TTC9B: variants seen among roughly 807,000 people sequenced by gnomAD.
TTC9B encodes the protein tetratricopeptide repeat domain 9B.
In TTC9B, 12 loss-of-function variants were observed where a neutral mutation model predicts 19.4. That is an observed-to-expected ratio of 0.62 (90% CI 0.40 to 1.00). The LOEUF is 1.00. Among genes scored for constraint, TTC9B ranks in the 50% least tolerant of loss-of-function variants. The pLI is 0.00. For synonymous variants in TTC9B, 156 were observed against 158.6 expected (o/e 0.98, Z 0.12); for missense variants, 316 against 345.2 (o/e 0.92, Z 0.67).
rs1473194386 is a variant in TTC9B at position 40,217,988 on chromosome 19, T to C, written c.394A>G (p.Ser132Gly). 1.4e-6 allele frequency: 2 copies of C among 1,425,546 alleles called. No homozygotes were observed. The highest frequency in any genetic ancestry group is 1.7e-5 in the African/African-American group (1 of 60,522). 88.3% of individuals were successfully genotyped at this position (1,425,546 alleles called of 1,614,324 possible). Reference sequence around the variant, plus strand: ...GAGTCGTAACACTCCACCTCCGTGCTCTCCACCAGGCGCCGCTGCTCCTCG... The same window carrying C: ...GAGTCGTAACACTCCACCTCCGTGCCCTCCACCAGGCGCCGCTGCTCCTCG... ...LSEEQRRLVE[S>G]TEVECYDSLT... The change falls in exon 1 of 3, where the codon AGC (serine) becomes GGC (glycine). Residue 132 changes from serine (S) to glycine (G), a missense_variant. Physicochemically the swap from Ser to Gly is moderately conservative, Grantham distance 56. Transcript: ENST00000311308.
chr19:40,216,684 T>G, intron 2 of TTC9B: 1 of 300,330 alleles, frequency 3.3e-6, no homozygotes, highest in Non-Finnish European at 6.4e-6. Context: ...GTGTCTGCCC[T>G]CCTGCACTCA....
chr19:40,217,620 C>T (rs954136952), intron 1 of TTC9B: 5 of 536,718 alleles, frequency 9.3e-6, no homozygotes, highest in Non-Finnish European at 1.6e-5. Context: ...TAAGGCCCCG[C>T]GCGGGGGCGA....
intron 1 of TTC9B, 36 bp from the exon 2 acceptor site, chr19:40,217,405 G>T (rs1266378048): frequency 2.5e-6 from 4 of 1,599,708 alleles, no homozygotes; most frequent in Non-Finnish European, 3.4e-6. Context: ...CTCAGAGCCT[G>T]CTGGCACCCC....
In TTC9B at chr19:40,218,361, G is replaced by T. The variant is rs987847540; in HGVS notation, c.21C>A (p.Ser7=). 8 of 1,341,532 alleles carry T rather than the reference G, an allele frequency of 6.0e-6. No homozygotes were observed. Among genetic ancestry groups the T allele is most frequent in the Non-Finnish European group, 6.6e-6 (7 of 1,053,406 alleles). 83.1% of individuals were successfully genotyped at this position (1,341,532 alleles called of 1,614,324 possible). The change falls in exon 1 of 3, where the codon TCC becomes TCA. Residue 7 remains serine (S), a synonymous_variant. Coordinates refer to ENST00000311308, the MANE Select transcript of TTC9B (RefSeq NM_152479.6). The surrounding 1 kb of genome is among the most constrained non-coding windows in gnomAD (Gnocchi z 4.2). ...GGGCAGCGCTGAGCATCAGCACCGGGGACAGCGCGCCGCGCTGCATTGTGG... is the reference window on the plus strand; with the variant it reads ...GGGCAGCGCTGAGCATCAGCACCGGTGACAGCGCGCCGCGCTGCATTGTGG... The part of the protein sequence containing the change: MQRGAL[S]PVLMLSAAPE...
intron 2 of TTC9B, 93 bp from the exon 3 acceptor site, chr19:40,216,365 T>G: frequency 1.1e-6 from 1 of 894,600 alleles, no homozygotes. Context: ...CTCCGAAGTA[T>G]CCAGCAGCTC....
Position 40,218,126 on chromosome 19 carries a change from C to T in TTC9B, c.256G>A (p.Gly86Ser). ...TGCAGCAGCGCTCGGTGGTACTTGC[C>T]GATGGCCTCCCGGAACTTCTTCTCT... Reference protein sequence around the residue: ...YREKKFREAIGKYHRALLQLK... With the variant: ...YREKKFREAISKYHRALLQLK... Residue 86 changes from glycine (G) to serine (S), a missense_variant, in exon 1 of 3, where the codon GGC (glycine) becomes AGC (serine). Transcript: ENST00000311308. This position sits in a 1 kb window ranked among gnomAD's most constrained non-coding sequence, Gnocchi z 4.2. 8.9e-6 allele frequency: 14 copies of T among 1,571,624 alleles called. No homozygotes were observed. The highest frequency in any genetic ancestry group is 1.2e-5 in the Non-Finnish European group (14 of 1,163,722).
chr19:40,217,446 C>T, intron 1 of TTC9B, 77 bp from the exon 2 acceptor site: 1 of 1,526,368 alleles, frequency 6.6e-7, no homozygotes, highest in Non-Finnish European at 8.8e-7. Context: ...GGAGCCGAGG[C>T]TCCAGGCGGC....
chr19:40,217,864 T>A, intron 1 of TTC9B, 91 bp downstream of exon 1: 2 of 1,232,044 alleles, frequency 1.6e-6, no homozygotes, highest in Non-Finnish European at 2.1e-6. Context: ...CCTGGACCCT[T>A]CAGCCCCAGG....
At chr19:40,217,762 C>G in intron 1 of TTC9B, 193 bp downstream of exon 1, 3 of 567,986 alleles carry the variant, frequency 5.3e-6, no homozygotes, top group Non-Finnish European at 8.8e-6. Context: ...TTTCCTGCAT[C>G]CCAGCTCCCT....
chr19:40,217,059 A>T, intron 2 of TTC9B, 128 bp downstream of exon 2: 1 of 1,073,034 alleles, frequency 9.3e-7, no homozygotes, highest in Non-Finnish European at 1.3e-6. Context: ...GCGCAGCCCT[A>T]CCTAGAAGCA....
At chr19:40,216,860 T>C (rs1437094997) in intron 2 of TTC9B, 2 of 475,922 alleles carry the variant, frequency 4.2e-6, no homozygotes, top group East Asian at 3.5e-5. Flanking sequence ...GACGGGGTAA[T>C]GGAGATGACA....
At chr19:40,217,675 T>C (rs1973388620) in intron 1 of TTC9B, 2 of 510,492 alleles carry the variant, frequency 3.9e-6, no homozygotes, top group East Asian at 3.3e-5. Context: ...CTTCCTCACC[T>C]TGGGTCCACG....
chr19:40,216,464 C>G (rs981792038), intron 2 of TTC9B, 192 bp from the exon 3 acceptor site: 2 of 572,622 alleles, frequency 3.5e-6, no homozygotes, highest in African/African-American at 3.8e-5. Flanking sequence ...TCGCACACCT[C>G]TGTGCGCCTG....
chr19:40,217,592 G>C, intron 1 of TTC9B: 1 of 605,522 alleles, frequency 1.7e-6, no homozygotes, highest in Non-Finnish European at 2.8e-6. Flanking sequence ...ACCCAGAGCT[G>C]TCGGTGGGCA....
At position 40,217,236 on chromosome 19, in the gene TTC9B, G is replaced by T; in HGVS notation, c.561C>A (p.Tyr187Ter). ...AGIAFYHLGD[Y>*]ARALRYLQEA... ...CCTGCAGGTAGCGCAGCGCGCGTGC[G>T]TAGTCGCCCAGGTGGTAGAAGGCAA... The change falls in exon 2 of 3, where the codon TAC becomes TAA. Residue 187 changes from tyrosine to a stop codon, truncating the protein, a stop_gained. Transcript: ENST00000311308. LOFTEE classifies it high-confidence loss of function. The T allele has an allele frequency of 6.2e-7, 1 of 1,613,914 alleles. No homozygotes were observed. The highest frequency in any genetic ancestry group is 8.5e-7 in the Non-Finnish European group (1 of 1,179,934).
At chr19:40,217,466 G>T in intron 1 of TTC9B, 97 bp from the exon 2 acceptor site, 1 of 1,436,120 alleles carries the variant, frequency 7.0e-7, no homozygotes, top group Non-Finnish European at 9.3e-7. Context: ...CAGGGAACCA[G>T]GCCTAAGGGA....
At position 40,216,069 on chromosome 19, in the gene TTC9B, A is replaced by G; in HGVS notation, c.*94T>C. On this transcript the variant is annotated 3_prime_UTR_variant, in exon 3 of 3. Transcript: ENST00000311308. Reference sequence around the variant, plus strand: ...GAACACCACACAAGTTATGATCACCAGTGACAAGTGTTTTACCAACAAACA... The same window carrying G: ...GAACACCACACAAGTTATGATCACCGGTGACAAGTGTTTTACCAACAAACA... 9.8e-7 allele frequency: 1 copy of G among 1,017,360 alleles called. No individual in the cohort carries two copies. Among genetic ancestry groups the G allele is most frequent in the Non-Finnish European group, 1.5e-6 (1 of 648,666 alleles). 63.0% of individuals were successfully genotyped at this position (1,017,360 alleles called of 1,614,324 possible). A position where few individuals can be genotyped will look rare whatever the true frequency, so the allele number is the denominator to read the frequency against.
chr19:40,217,179 C>CTG lies in TTC9B; in HGVS notation c.610+7_610+8insCA. On this transcript the variant is annotated splice_region_variant and intron_variant, in intron 2 of 2. Transcript: ENST00000311308. Reference sequence around the variant, plus strand: ...CAGCCCTCACCTCTGCCCCGCCCCGCCACTCACCTGTGGGTTCCCGGCTGC... The same window carrying CTG: ...CAGCCCTCACCTCTGCCCCGCCCCGCTGCACTCACCTGTGGGTTCCCGGCTGC... 1 of 1,609,050 alleles carries CTG rather than the reference C, an allele frequency of 6.2e-7. No homozygotes were observed. The highest frequency in any genetic ancestry group is 8.5e-7 in the Non-Finnish European group (1 of 1,178,558).
In TTC9B at chr19:40,217,253, A is replaced by T; in HGVS notation, c.544T>A (p.Tyr182Asn). 6.2e-7 allele frequency: 1 copy of T among 1,614,004 alleles called. No individual in the cohort carries two copies. The highest frequency in any genetic ancestry group is 8.5e-7 in the Non-Finnish European group (1 of 1,179,936). The change falls in exon 2 of 3, where the codon TAC (tyrosine) becomes AAC (asparagine). Residue 182 changes from tyrosine (Y) to asparagine (N), a missense_variant. By Grantham distance (143) the Tyr-to-Asn change is moderately radical (BLOSUM62 -2). Transcript: ENST00000311308. ...KATYRAGIAF[Y>N]HLGDYARALR... ...GCGCGTGCGTAGTCGCCCAGGTGGTAGAAGGCAATGCCGGCACGGTAGGTG... is the reference window on the plus strand; with the variant it reads ...GCGCGTGCGTAGTCGCCCAGGTGGTTGAAGGCAATGCCGGCACGGTAGGTG...
Sources: gnomAD v4.1 joint callset for allele counts on GRCh38, gnomAD v4.1.1 for gene constraint, Gnocchi (gnomAD v3.1) non-coding constraint, MANE v1.5 for transcripts, NCBI Gene and HGNC (gene_info 2026-07-23, HGNC 2026-07-21) for gene names.